ZFYVE1: variants seen among roughly 807,000 people sequenced by gnomAD.
The protein encoded by ZFYVE1 is zinc finger FYVE domain-containing protein 1.
In ZFYVE1, 30 loss-of-function variants were observed where a neutral mutation model predicts 74.4. The ratio of observed to expected loss-of-function variants is 0.40; its 90% CI spans 0.30 to 0.55. ZFYVE1 has a LOEUF of 0.55. Ranked by LOEUF, ZFYVE1 falls within the 20% of genes least tolerant of loss-of-function variation. ZFYVE1 has a pLI of 0.42. For missense variants in ZFYVE1, 703 were observed against 1,011.6 expected, an observed-to-expected ratio of 0.69 and a Z score of 4.14; for synonymous variants, 335 against 385.1, an observed-to-expected ratio of 0.87 and a Z score of 1.52.
At position 72,975,936 on chromosome 14, in the gene ZFYVE1, C is replaced by G; in HGVS notation, c.1636-215G>C. 1.8e-6 allele frequency: 1 copy of G among 570,926 alleles called. No individual in the cohort carries two copies. Among genetic ancestry groups the G allele is most frequent in the Non-Finnish European group, 3.0e-6 (1 of 332,312 alleles). 35.4% of individuals were successfully genotyped at this position (570,926 alleles called of 1,614,324 possible). On this transcript the variant is annotated intron_variant, in intron 8 of 11. Transcript: ENST00000556143. This position sits in a 1 kb window ranked among gnomAD's most constrained non-coding sequence, Gnocchi z 4.1. ...GTGTAGCTGTTCAATTCAGGACTTA[C>G]TAAGCCCATATAATACAGGAGATGA...
At chr14:73,007,865 T>G (rs969336052) in intron 2 of ZFYVE1, among the ~76,000 whole-genome samples, 3 of 152,262 alleles carry the variant, frequency 2.0e-5, no homozygotes, top group Admixed American at 1.3e-4. Flanking sequence ...GTATACCTCA[T>G]GTCTATCCAC....
chr14:72,975,749 T>G lies in ZFYVE1; in HGVS notation c.1636-28A>C. 6.2e-7 allele frequency: 1 copy of G among 1,610,146 alleles called. No individual in the cohort carries two copies. The highest frequency in any genetic ancestry group is 8.5e-7 in the Non-Finnish European group (1 of 1,177,828). On this transcript the variant is annotated intron_variant, in intron 8 of 11. Coordinates refer to ENST00000556143, the MANE Select transcript of ZFYVE1 (RefSeq NM_021260.4). The surrounding 1 kb of genome is among the most constrained non-coding windows in gnomAD (Gnocchi z 4.1). Reference sequence around the variant, plus strand: ...GAAATGAAAACGCAGGCTTCCATCATGCTCTGAGAAGGGAGTGAAAGGAAG... The same window carrying G: ...GAAATGAAAACGCAGGCTTCCATCAGGCTCTGAGAAGGGAGTGAAAGGAAG...
At chr14:73,018,888 G>T (rs923104735) in intron 2 of ZFYVE1, among the ~76,000 whole-genome samples, 7 of 150,566 alleles carry the variant, frequency 4.6e-5, no homozygotes, top group African/African-American at 1.7e-4. Context: ...AGGTTGTAGT[G>T]AGCCAAGATC....
chr14:73,021,354 A>AAAATAAATAAATAAAT (rs71109783), intron 2 of ZFYVE1, among the ~76,000 whole-genome samples: 2 of 147,630 alleles, frequency 1.4e-5, no homozygotes, highest in East Asian at 2.0e-4. Flanking sequence ...TCTCAAAATA[A>AAAATAAATAAATAAAT]AAATAAATAA....
chr14:72,992,263 T>C (rs1200063968), intron 4 of ZFYVE1, among the ~76,000 whole-genome samples: 3 of 152,144 alleles, frequency 2.0e-5, no homozygotes, highest in Non-Finnish European at 2.9e-5. Context: ...GAACCTTCCA[T>C]GCGTAATAGT....
rs570439768 is a variant in ZFYVE1, at chr14:72,974,888, G to A, written c.1878C>T (p.Gly626=). The change falls in exon 10 of 12, where the codon GGC becomes GGT. Residue 626 remains glycine, a synonymous_variant. Transcript: ENST00000556143. The stretch of plus-strand genomic sequence containing the variant: ...TCTTTGATGAACAGCTGTCACAGAA[G>A]CCCTCCCCACAGGCTCGGCAGTGAT... ...TKHHCRACGE[G]FCDSCSSKTR... 1 of 1,614,134 alleles carries A rather than the reference G, an allele frequency of 6.2e-7. No individual in the cohort carries two copies. Among genetic ancestry groups the A allele is most frequent in the East Asian group, 2.2e-5 (1 of 44,882 alleles).
Position 72,997,927 on chromosome 14 carries a change from A to T in ZFYVE1, c.872T>A (p.Phe291Tyr), listed in dbSNP as rs202074104. ...AGTGGTGGCCTTGAGCTCCTTGGTG[A>T]AGTGCTTCAGATAAGCTTCTGAGGC... ...GDASEAYLKH[F>Y]TKELKATTAR... The change falls in exon 3 of 12, where the codon TTC becomes TAC. Residue 291 changes from phenylalanine to tyrosine, a missense_variant. Around this residue, in one of 2 missense-constraint regions of ZFYVE1, gnomAD observed 492 missense variants for 790.0 expected, o/e 0.62. Transcript: ENST00000556143. 6.2e-7 allele frequency: 1 copy of T among 1,614,166 alleles called. No individual in the cohort carries two copies. Among genetic ancestry groups the T allele is most frequent in the East Asian group, 2.2e-5 (1 of 44,882 alleles).
In ZFYVE1 at chr14:72,998,274, T is replaced by C; in HGVS notation, c.525A>G (p.Lys175=). 6.4e-7 allele frequency: 1 copy of C among 1,573,928 alleles called. No individual in the cohort carries two copies. Among genetic ancestry groups the C allele is most frequent in the Non-Finnish European group, 8.6e-7 (1 of 1,164,000 alleles). The part of the protein sequence containing the change: ...EEDFIRKLDC[K]PDQHLKVVSI... ...AAACCACTTTCAGATGCTGATCAGG[T>C]TTGCAGTCCAATTTTCTAATAAAGT... Residue 175 remains lysine (K), a synonymous_variant, in exon 3 of 12, where the codon AAA becomes AAG. Transcript: ENST00000556143.
chr14:73,027,051 G>T lies in ZFYVE1; in HGVS notation c.-560C>A, dbSNP rs898167911. ...TCCATCTCCGCCACCCTCCTCCTTC[G>T]TTGCCTCCCGGGCTTCCTCCTCTCC... is the stretch of plus-strand genomic sequence containing the variant. On this transcript the variant is annotated 5_prime_UTR_variant, in exon 1 of 12. Coordinates refer to ENST00000556143, the MANE Select transcript of ZFYVE1 (RefSeq NM_021260.4). The T allele has an allele frequency of 2.3e-5, 9 of 399,074 alleles. No individual in the cohort carries two copies. Among genetic ancestry groups the T allele is most frequent in the Non-Finnish European group, 4.0e-5 (9 of 226,556 alleles). The allele number at this position is 399,074 out of a possible 1,614,324, so 24.7% of individuals were successfully genotyped here.
At chr14:72,986,000 G>T (rs1461764544) in intron 4 of ZFYVE1, among the ~76,000 whole-genome samples, 1 of 152,180 alleles carries the variant, frequency 6.6e-6, no homozygotes, top group Non-Finnish European at 1.5e-5. Context: ...AAGGACAAAT[G>T]ATATAAATCT....
chr14:72,996,445 G>A (rs1279309436), intron 3 of ZFYVE1, among the ~76,000 whole-genome samples: 1 of 152,030 alleles, frequency 6.6e-6, no homozygotes, highest in Non-Finnish European at 1.5e-5. Flanking sequence ...CCAGGCTGGA[G>A]TGCAATAACA....
rs777150047 is a variant in ZFYVE1 at position 72,980,536 on chromosome 14, AATTT to A, written c.1310+1249_1310+1252del. Among the ~76,000 whole-genome samples the A allele has an allele frequency of 9.7e-3, 790 of 81,486 alleles. 2 individuals are homozygous for A. Among genetic ancestry groups the A allele is most frequent in the Middle Eastern group, 0.026 (4 of 154 alleles). 53.5% of individuals were successfully genotyped at this position (81,486 alleles called of 152,430 possible). On this transcript the variant is annotated intron_variant, in intron 5 of 11. Coordinates refer to ENST00000556143, the MANE Select transcript of ZFYVE1 (RefSeq NM_021260.4). The stretch of plus-strand genomic sequence containing the variant: ...CATCAGCATCACCTGAGAATTAATT[AATTT>A]ATTTATTTATTTATTTATTTATTTA...
chr14:72,986,824 C>T (rs774509142), intron 4 of ZFYVE1: 35 of 965,594 alleles, frequency 3.6e-5, no homozygotes, highest in Non-Finnish European at 3.8e-5. Flanking sequence ...GCCACTGCGC[C>T]CGGCCCTGAT....
At chr14:73,007,683 C>T (rs1894007998) in intron 2 of ZFYVE1, among the ~76,000 whole-genome samples, 1 of 152,106 alleles carries the variant, frequency 6.6e-6, no homozygotes, top group South Asian at 2.1e-4. Flanking sequence ...ACCCCATGGC[C>T]TAAATTTCAA....
Position 73,024,520 on chromosome 14 carries a change from T to C in ZFYVE1, c.-12A>G. 6.3e-7 allele frequency: 1 copy of C among 1,581,766 alleles called. No homozygotes were observed. Among genetic ancestry groups the C allele is most frequent in the Non-Finnish European group, 8.6e-7 (1 of 1,163,052 alleles). On this transcript the variant is annotated 5_prime_UTR_variant, in exon 2 of 12. Transcript: ENST00000556143. ...GTCTGGGCACTCATACTCACGCTGG[T>C]AAGGAAACACACCCACCATATAATA...
In ZFYVE1 at chr14:73,024,797, C is replaced by A; in HGVS notation, c.-289G>T. ...GTGGTCAAAATTGACTTGGAAGGGT[C>A]TTTTATGGCTATCTGAGAGAGGTCT... On this transcript the variant is annotated 5_prime_UTR_variant, in exon 2 of 12. Coordinates refer to ENST00000556143, the MANE Select transcript of ZFYVE1 (RefSeq NM_021260.4). 1 of 327,714 alleles carries A rather than the reference C, an allele frequency of 3.1e-6. No homozygotes were observed. Among genetic ancestry groups the A allele is most frequent in the Non-Finnish European group, 5.5e-6 (1 of 180,256 alleles). The allele number at this position is 327,714 out of a possible 1,614,324, so 20.3% of individuals were successfully genotyped here. A position where few individuals can be genotyped will look rare whatever the true frequency, so the allele number is the denominator to read the frequency against.
At chr14:72,994,611 T>A (rs117286388) in intron 3 of ZFYVE1, among the ~76,000 whole-genome samples, 193 of 152,254 alleles carry the variant, frequency 1.3e-3, no homozygotes, top group Admixed American at 5.2e-3. Context: ...AACCCATTCA[T>A]TGGAAAAATC....
chr14:72,974,304 C>A (rs571822202), intron 10 of ZFYVE1, 111 bp from the exon 11 acceptor site: 16 of 990,122 alleles, frequency 1.6e-5, no homozygotes, highest in Middle Eastern at 2.1e-4. Flanking sequence ...CACCACTGTG[C>A]TGTCCTGCAA....
chr14:73,006,209 G>A lies in ZFYVE1; in HGVS notation c.484-7894C>T, dbSNP rs1374354890. On this transcript the variant is annotated intron_variant, in intron 2 of 11. Coordinates refer to ENST00000556143, the MANE Select transcript of ZFYVE1 (RefSeq NM_021260.4). ...CCTGGGATTGTAGGCGTGAGCCACCGCGCCCGGCCAAAACACATTATTATT... is the reference window on the plus strand; with the variant it reads ...CCTGGGATTGTAGGCGTGAGCCACCACGCCCGGCCAAAACACATTATTATT... Among the ~76,000 whole-genome samples, 6 of 151,434 alleles carry A rather than the reference G, an allele frequency of 4.0e-5. No individual in the cohort carries two copies. The East Asian group carries it at 6.0e-4, about 15-fold the overall frequency.
Sources: gnomAD v4.1 joint callset for allele counts (sites outside exome capture counted in the v4.1 genomes callset) on GRCh38, gnomAD v4.1.1 for gene constraint, gnomAD v4.1.1 regional missense constraint, Gnocchi (gnomAD v3.1) non-coding constraint, MANE v1.5 for transcripts, NCBI Gene and HGNC (gene_info 2026-07-23, HGNC 2026-07-21) for gene names.